The following PASD1 variants were observed in gnomAD, a reference collection of about 807,000 sequenced individuals.
PASD1 encodes the protein PAS domain containing repressor 1.
A neutral mutation model predicts 58.8 loss-of-function variants in PASD1; 13 were observed. The ratio of observed to expected loss-of-function variants is 0.22; its 90% confidence interval spans 0.14 to 0.35. The LOEUF (loss-of-function observed/expected upper bound fraction) is 0.35. PASD1 is among the 10% of genes least tolerant of loss of function. The probability of loss-of-function intolerance (pLI) is 1.00; values close to 1 mark genes in which losing one functional copy is unlikely to be tolerated. For missense variants in PASD1, 734 were observed against 568.3 expected, an observed-to-expected ratio of 1.29 and a Z score of -2.96; for synonymous variants, 236 against 216.7, an observed-to-expected ratio of 1.09 and a Z score of -0.78.
intron 4 of PASD1, 71 bp downstream of exon 4, chrX:151,611,824 T>G (rs1195155004): frequency 6.3e-6 from 5 of 798,717 alleles, no homozygotes; most frequent in Non-Finnish European, 9.0e-6. Flanking sequence ...ATTTATTTTC[T>G]TTTTTTATTA....
intron 8 of PASD1, among the ~76,000 whole-genome samples, chrX:151,641,730 T>C (rs2124290237): frequency 9.1e-6 from 1 of 109,878 alleles, no homozygotes; most frequent in Non-Finnish European, 1.9e-5. Context: ...AGGAGAAGGG[T>C]ACATTATTTC....
chrX:151,599,937 G>A (rs990834328), intron 1 of PASD1, among the ~76,000 whole-genome samples: 11 of 111,718 alleles, frequency 9.8e-5, no homozygotes, highest in Admixed American at 7.6e-4. Context: ...AGGTTGTAGC[G>A]AGCCGAGATC....
chrX:151,580,676 A>G (rs896907837), intron 1 of PASD1, among the ~76,000 whole-genome samples: 1 of 109,699 alleles, frequency 9.1e-6, no homozygotes, highest in Non-Finnish European at 1.9e-5. Flanking sequence ...TAAATACAAT[A>G]ATATAATACA....
intron 9 of PASD1, among the ~76,000 whole-genome samples, chrX:151,655,213 C>A (rs935480024): frequency 3.6e-5 from 4 of 110,486 alleles, no homozygotes; most frequent in Non-Finnish European, 7.6e-5. Context: ...ATAGTATTCC[C>A]TGGTGTATAT....
rs1374218051 is a variant in PASD1 at position 151,601,513 on chromosome X, C to T, written c.-27-14C>T. On this transcript the variant is annotated splice_polypyrimidine_tract_variant and intron_variant, in intron 1 of 15. Transcript: ENST00000370357. ...CTGATCTCTTAGTAAAATGTTGCTTCACTTTGATTTCAGGAGTCTTCCTAC... is the reference window on the plus strand; with the variant it reads ...CTGATCTCTTAGTAAAATGTTGCTTTACTTTGATTTCAGGAGTCTTCCTAC... 8.4e-7 allele frequency: 1 copy of T among 1,189,420 alleles called. No homozygotes were observed. Among genetic ancestry groups the T allele is most frequent in the Non-Finnish European group, 1.1e-6 (1 of 877,684 alleles).
intron 10 of PASD1, among the ~76,000 whole-genome samples, chrX:151,661,610 C>G (rs2014312430): frequency 8.9e-6 from 1 of 112,486 alleles, no homozygotes; most frequent in African/African-American, 3.2e-5. Flanking sequence ...AACATTGATG[C>G]AATACTTTTA....
At chrX:151,655,174 G>A (rs1338213836) in intron 9 of PASD1, among the ~76,000 whole-genome samples, 2 of 111,497 alleles carry the variant, frequency 1.8e-5, no homozygotes, top group African/African-American at 6.5e-5. Flanking sequence ...CCCTACAAAG[G>A]ACATGAACTC....
chrX:151,601,964 C>T (rs1326219032), intron 2 of PASD1, among the ~76,000 whole-genome samples: 1 of 112,262 alleles, frequency 8.9e-6, no homozygotes, highest in African/African-American at 3.2e-5. Flanking sequence ...CTTACTTTTC[C>T]AGATCAAACT....
rs754043768 is a variant in PASD1, at chrX:151,623,028, G to C, written c.510G>C (p.Val170=). 2 of 1,209,316 alleles carry C rather than the reference G, an allele frequency of 1.7e-6. No individual in the cohort carries two copies. Among genetic ancestry groups the C allele is most frequent in the Admixed American group, 4.4e-5 (2 of 45,913 alleles). The change falls in exon 7 of 16, where the codon GTG becomes GTC. Residue 170 remains valine, a synonymous_variant. Coordinates refer to ENST00000370357, the MANE Select transcript of PASD1 (RefSeq NM_173493.3). ...CTCAGGAGGATCGGCTTTATCTTGT[G>C]GGAAATGTTTGCATTCTCAGGACTC... is the stretch of plus-strand genomic sequence containing the variant. ...CVPQEDRLYL[V]GNVCILRTQL...
At chrX:151,665,566 A>C (rs968194350) in intron 11 of PASD1, among the ~76,000 whole-genome samples, 4 of 111,541 alleles carry the variant, frequency 3.6e-5, no homozygotes, top group Non-Finnish European at 7.5e-5. Context: ...TGAGAAGGGA[A>C]GAATGGGAAG....
At chrX:151,644,128 C>A (rs964811790) in intron 8 of PASD1, among the ~76,000 whole-genome samples, 2 of 112,053 alleles carry the variant, frequency 1.8e-5, no homozygotes, top group African/African-American at 6.5e-5. Context: ...AATTCATCTT[C>A]AAATAATGTA....
Position 151,622,938 on chromosome X carries a change from G to A in PASD1, c.420G>A (p.Glu140=). ...CACATGTGTGTCTATCTTCCTTAGA[G>A]TTTCCTGTGGTCTTTAGTGGCTTGT... ...FIVNVRDICN[E]FPVVFSGLFS... is the part of the protein sequence containing the mutation. Residue 140 remains glutamate, a splice_region_variant and synonymous_variant, in exon 7 of 16, where the codon GAG becomes GAA. Coordinates refer to ENST00000370357, the MANE Select transcript of PASD1 (RefSeq NM_173493.3). 8.3e-7 allele frequency: 1 copy of A among 1,206,640 alleles called. No individual in the cohort carries two copies. The highest frequency in any genetic ancestry group is 1.1e-6 in the Non-Finnish European group (1 of 892,724).
Position 151,676,188 on chromosome X carries a change from C to T in PASD1, c.*45C>T. On this transcript the variant is annotated 3_prime_UTR_variant, in exon 16 of 16. Coordinates refer to ENST00000370357, the MANE Select transcript of PASD1 (RefSeq NM_173493.3). ...GATGAGGGGAAATGGGGGGAGGGGG[C>T]AGGCCAATGAGGTCTGCATGGCCAG... 1.7e-6 allele frequency: 2 copies of T among 1,170,312 alleles called. No individual in the cohort carries two copies. The highest frequency in any genetic ancestry group is 2.3e-6 in the Non-Finnish European group (2 of 869,295).
intron 4 of PASD1, among the ~76,000 whole-genome samples, chrX:151,616,384 A>G (rs1330060811): frequency 9.0e-6 from 1 of 110,985 alleles, no homozygotes; most frequent in Admixed American, 9.6e-5. Context: ...GATGTGTCCA[A>G]GTTATGCTGT....
At chrX:151,574,093 T>C in intron 1 of PASD1, among the ~76,000 whole-genome samples, 2 of 112,364 alleles carry the variant, frequency 1.8e-5, no homozygotes, top group Middle Eastern at 9.1e-3. Flanking sequence ...TGCTTCACAA[T>C]GGCTTCAAGT....
At chrX:151,582,193 A>T (rs1449762970) in intron 1 of PASD1, among the ~76,000 whole-genome samples, 1 of 109,837 alleles carries the variant, frequency 9.1e-6, no homozygotes, top group Non-Finnish European at 1.9e-5. Flanking sequence ...TCACCGTGTT[A>T]GCCGGGGTGG....
rs779551090 is a variant in PASD1 at position 151,629,641 on chromosome X, C to T, written c.629+4111C>T. On this transcript the variant is annotated intron_variant, in intron 8 of 15. Transcript: ENST00000370357. The stretch of plus-strand genomic sequence containing the variant: ...TGACCTTTTACTGAATAATGTGGAA[C>T]GTAAGATACCTACAAGACAACATGT... Among the ~76,000 whole-genome samples the T allele has an allele frequency of 8.1e-5, 9 of 111,762 alleles. No individual in the cohort carries two copies. In the East Asian group the frequency reaches 2.3e-3, roughly 28 times the overall value.
intron 11 of PASD1, among the ~76,000 whole-genome samples, chrX:151,669,541 C>G (rs1052825426): frequency 2.8e-5 from 3 of 108,701 alleles, no homozygotes; most frequent in Non-Finnish European, 5.7e-5. Context: ...CTCTTCATCC[C>G]CCTCTTCCCC....
At position 151,628,706 on chromosome X, in the gene PASD1, A is replaced by C. The variant is rs1197973693; in HGVS notation, c.629+3176A>C. ...TTTGGTCCCATATGAACTTTAAAGT[A>C]GTTTTTTCCAATTCTGTGAAGAAAG... On this transcript the variant is annotated intron_variant, in intron 8 of 15. Transcript: ENST00000370357. 5.4e-5 allele frequency among the ~76,000 whole-genome samples: 6 copies of C among 111,674 alleles called. No individual in the cohort carries two copies. The East Asian group carries it at 1.7e-3, about 32-fold the overall frequency.
Sources: allele counts gnomAD v4.1 joint callset (sites outside exome capture counted in the v4.1 genomes callset), GRCh38; gene constraint gnomAD v4.1.1; transcripts MANE v1.5; gene names NCBI Gene and HGNC (gene_info 2026-07-23, HGNC 2026-07-21).